The following TMEM67 variants were observed in gnomAD, a reference collection of about 807,000 sequenced individuals.
TMEM67 encodes transmembrane protein 67, also known as meckelin.
Under a neutral mutation model 136.6 loss-of-function variants are expected in TMEM67, and 124 were observed. The ratio of observed to expected loss-of-function variants is 0.91; its 90% CI spans 0.78 to 1.05. The LOEUF is 1.05. Ranked by LOEUF, TMEM67 falls within the 50% of genes least tolerant of loss-of-function variation. The pLI is 0.00. For synonymous variants in TMEM67, 364 were observed against 390.5 expected, an observed-to-expected ratio of 0.93 and a Z score of 0.80; for missense variants, 1,107 against 1,178.4, an observed-to-expected ratio of 0.94 and a Z score of 0.89.
In TMEM67 at chr8:93,786,273, G is replaced by A; in HGVS notation, c.1339G>A (p.Ala447Thr). The A allele has an allele frequency of 6.2e-7, 1 of 1,613,920 alleles. No individual in the cohort carries two copies. The highest frequency in any genetic ancestry group is 1.1e-5 in the South Asian group (1 of 91,078). ...AACTCGGCGCATTTTCTTAGTGGATGCAGTAAGTGGACGAGAAAATGACTT... is the reference window on the plus strand; with the variant it reads ...AACTCGGCGCATTTTCTTAGTGGATACAGTAAGTGGACGAGAAAATGACTT... ...LLTRRIFLVD[A>T]VSGRENDLGT... The change falls in exon 13 of 28, where the codon GCA becomes ACA. Residue 447 changes from alanine to threonine, a missense_variant. Around this residue, in one of 3 missense-constraint regions of TMEM67, gnomAD observed 925 missense variants for 1,002.4 expected, o/e 0.92. Coordinates refer to ENST00000453321, the MANE Select transcript of TMEM67 (RefSeq NM_153704.6).
At chr8:93,801,908 A>G (rs967702550) in intron 21 of TMEM67, among the ~76,000 whole-genome samples, 1 of 152,232 alleles carries the variant, frequency 6.6e-6, no homozygotes, top group Non-Finnish European at 1.5e-5. Context: ...TCAAAAGAGT[A>G]TAGGGTTTGA....
chr8:93,820,507 C>T (rs1289325358), downstream of TMEM67, among the ~76,000 whole-genome samples: 2 of 152,092 alleles, frequency 1.3e-5, no homozygotes, highest in Non-Finnish European at 2.9e-5. Flanking sequence ...AGAGAGGCAC[C>T]AAGGGTAGTA....
In TMEM67 at chr8:93,816,411, T is replaced by C; in HGVS notation, c.2947T>C (p.Leu983=). Residue 983 remains leucine (L), a synonymous_variant, in exon 28 of 28, where the codon TTG becomes CTG. Transcript: ENST00000453321. ...YIRNTVGQKN[L]ASKTLVDQRF... ...CCGTAATACAGTAGGACAAAAGAAT[T>C]TGGCATCCAAAACATTGGTGGATCA... 6.3e-7 allele frequency: 1 copy of C among 1,597,412 alleles called. No individual in the cohort carries two copies. Among genetic ancestry groups the C allele is most frequent in the Non-Finnish European group, 8.6e-7 (1 of 1,166,962 alleles).
At chr8:93,765,359 G>GT (rs749582018) in intron 4 of TMEM67, 47 bp from the exon 5 acceptor site, 362 of 1,438,362 alleles carry the variant, frequency 2.5e-4, no homozygotes, top group Non-Finnish European at 3.2e-4. Flanking sequence ...ATTAGGTTTA[G>GT]TATAATTTAT....
At chr8:93,806,403 C>T (rs1027059007) in intron 23 of TMEM67, among the ~76,000 whole-genome samples, 4 of 151,966 alleles carry the variant, frequency 2.6e-5, no homozygotes, top group African/African-American at 9.7e-5. Context: ...AAAGCATTTA[C>T]AGATGAAATG....
rs534766152 is a variant in TMEM67, at chr8:93,795,811, C to CA, written c.1774-81dup. Reference sequence around the variant, plus strand: ...GCAGCATACTGAGACCCTCCTTTCCCAAAAAAAAACAAAAACGAAAACAAA... The same window carrying CA: ...GCAGCATACTGAGACCCTCCTTTCCCAAAAAAAAAACAAAAACGAAAACAAA... On this transcript the variant is annotated intron_variant, in intron 17 of 27. Transcript: ENST00000453321. 8.6e-3 allele frequency: 8,736 copies of CA among 1,011,530 alleles called. 73 individuals carry two copies. The highest frequency in any genetic ancestry group is 0.052 in the African/African-American group (3,091 of 59,150). The allele number at this position is 1,011,530 out of a possible 1,614,324, so 62.7% of individuals were successfully genotyped here.
At chr8:93,823,642 G>T (rs1397874133), downstream of TMEM67, among the ~76,000 whole-genome samples, 6 of 152,176 alleles carry the variant, frequency 3.9e-5, no homozygotes, top group African/African-American at 1.4e-4. Context: ...AACAGCATGT[G>T]CAAAGGCCCT....
At chr8:93,797,673 A>C (rs1814682327) in intron 20 of TMEM67, among the ~76,000 whole-genome samples, 3 of 152,184 alleles carry the variant, frequency 2.0e-5, no homozygotes, top group Admixed American at 2.0e-4. Context: ...AAGCATTTTT[A>C]AGTGTAGAGT....
chr8:93,785,693 C>T (rs1235224989), intron 12 of TMEM67: 1 of 248,864 alleles, frequency 4.0e-6, no homozygotes, highest in Non-Finnish European at 7.6e-6. Context: ...AAATTAGTTT[C>T]TTTTGTTGTT....
Position 93,759,909 on chromosome 8 carries a change from A to T in TMEM67, c.406+1333A>T, listed in dbSNP as rs1469509601. On this transcript the variant is annotated intron_variant, in intron 3 of 27. Transcript: ENST00000453321. ...GGTGATCTGCCTGCCTCAGCCTCCC[A>T]AAGTGCTGGGATACAGGCTTGAGCC... 6 of 1,455,140 alleles carry T rather than the reference A, an allele frequency of 4.1e-6. No homozygotes were observed. The East Asian group carries it at 1.3e-4, about 31-fold the overall frequency. The allele number at this position is 1,455,140 out of a possible 1,614,324, so 90.1% of individuals were successfully genotyped here.
chr8:93,795,316 A>G (rs1010562359), intron 16 of TMEM67, 93 bp from the exon 17 acceptor site: 1 of 1,015,790 alleles, frequency 9.8e-7, no homozygotes, highest in Non-Finnish European at 1.6e-6. Context: ...GGCTTAAGAA[A>G]TGGAGTGGAT....
chr8:93,813,454 C>T (rs1206388694), intron 26 of TMEM67, among the ~76,000 whole-genome samples: 2 of 152,198 alleles, frequency 1.3e-5, no homozygotes, highest in East Asian at 3.8e-4. Flanking sequence ...GCTGGGATTA[C>T]AGGTGTGAGC....
intron 11 of TMEM67, among the ~76,000 whole-genome samples, chr8:93,783,597 A>G (rs1813950300): frequency 6.6e-6 from 1 of 152,234 alleles, no homozygotes. Flanking sequence ...CTTGAAAAAC[A>G]TGCATGTATT....
At chr8:93,808,383 TTA>T (rs1435109157) in intron 23 of TMEM67, among the ~76,000 whole-genome samples, 1 of 72,258 alleles carries the variant, frequency 1.4e-5, no homozygotes, top group Admixed American at 1.4e-4. Flanking sequence ...CTATAAATAT[TTA>T]TATATTATAT....
chr8:93,796,079 G>T (rs187136473), intron 18 of TMEM67, 92 bp downstream of exon 18: 10 of 884,722 alleles, frequency 1.1e-5, no homozygotes, highest in South Asian at 1.0e-4. Flanking sequence ...AATCTTTGGC[G>T]TGAAATTCAC....
chr8:93,755,662 A>G (rs1351891777), intron 1 of TMEM67, 116 bp from the exon 2 acceptor site: 2 of 710,604 alleles, frequency 2.8e-6, no homozygotes, highest in Non-Finnish European at 4.7e-6. Context: ...TCCTGCTGTT[A>G]ATCACTATAC....
chr8:93,776,078 A>G (rs1813529076), intron 7 of TMEM67, among the ~76,000 whole-genome samples: 1 of 152,116 alleles, frequency 6.6e-6, no homozygotes, highest in African/African-American at 2.4e-5. Flanking sequence ...CATCCCTTGT[A>G]AGTTGGATTC....
intron 7 of TMEM67, among the ~76,000 whole-genome samples, chr8:93,775,981 A>G (rs1813524812): frequency 6.6e-6 from 1 of 152,214 alleles, no homozygotes; most frequent in Non-Finnish European, 1.5e-5. Context: ...CTTCCTATCC[A>G]TGAGCATGGA....
chr8:93,822,838 C>T (rs555813701), downstream of TMEM67, among the ~76,000 whole-genome samples: 8 of 152,228 alleles, frequency 5.3e-5, no homozygotes, highest in South Asian at 4.2e-4. Context: ...AATTTAAGAA[C>T]GAATTATCTA....
Sources: allele counts gnomAD v4.1 joint callset (sites outside exome capture counted in the v4.1 genomes callset), GRCh38; gene constraint gnomAD v4.1.1; regional missense constraint gnomAD v4.1.1; transcripts MANE v1.5; gene names NCBI Gene and HGNC (gene_info 2026-07-23, HGNC 2026-07-21).